The following ATP13A3 variants were observed in gnomAD, a reference collection of about 807,000 sequenced individuals.
ATP13A3 encodes polyamine-transporting ATPase 13A3.
ATP13A3 carries 59 observed loss-of-function variants against 158.1 expected under a neutral mutation model. The observed-to-expected ratio is 0.37, with a 90% CI of 0.30 to 0.46. The LOEUF is 0.46. Among genes scored for constraint, ATP13A3 ranks in the 20% least tolerant of loss-of-function variants. ATP13A3 has a pLI of 1.00. For synonymous variants in ATP13A3, 491 were observed against 504.3 expected, an observed-to-expected ratio of 0.97 and a Z score of 0.35; for missense variants, 1,166 against 1,525.2, an observed-to-expected ratio of 0.76 and a Z score of 3.92.
chr3:194,413,625 A>G (rs539154546), intron 32 of ATP13A3, 134 bp downstream of exon 32: 1 of 811,712 alleles, frequency 1.2e-6, no homozygotes, highest in South Asian at 1.6e-5. Context: ...GAGAAGGCTA[A>G]ATGAATTTGC....
At chr3:194,462,058 T>C (rs1324214493) in intron 3 of ATP13A3, 82 bp downstream of exon 3, 2 of 1,383,054 alleles carry the variant, frequency 1.4e-6, no homozygotes, top group Non-Finnish European at 2.0e-6. Flanking sequence ...CTGTTGTTAA[T>C]TGCATTTTTC....
intron 33 of ATP13A3, among the ~76,000 whole-genome samples, chr3:194,410,745 C>T (rs1715346227): frequency 6.6e-6 from 1 of 152,124 alleles, no homozygotes; most frequent in African/African-American, 2.4e-5. Context: ...CCCTTCAAAA[C>T]ATGCAATTTC....
At chr3:194,472,526 C>A (rs1192236244) in intron 2 of ATP13A3, among the ~76,000 whole-genome samples, 14 of 152,106 alleles carry the variant, frequency 9.2e-5, no homozygotes, top group Admixed American at 7.9e-4. Context: ...TGAGTTACAA[C>A]AAGACTTAAG....
intron 33 of ATP13A3, among the ~76,000 whole-genome samples, chr3:194,411,600 G>A (rs1715436270): frequency 6.6e-6 from 1 of 151,856 alleles, no homozygotes; most frequent in Non-Finnish European, 1.5e-5. Flanking sequence ...ATGACAGGCT[G>A]TTTAACAGAC....
intron 2 of ATP13A3, among the ~76,000 whole-genome samples, chr3:194,470,713 CT>C (rs1008954357): frequency 4.6e-5 from 7 of 152,304 alleles, no homozygotes; most frequent in Admixed American, 1.3e-4. Flanking sequence ...AACTTTCATA[CT>C]TTCCCCTAAA....
intron 2 of ATP13A3, among the ~76,000 whole-genome samples, chr3:194,476,766 GTT>G (rs367780103): frequency 7.8e-6 from 1 of 128,690 alleles, no homozygotes; most frequent in Non-Finnish European, 1.7e-5. Context: ...GTAAGTTGTT[GTT>G]TTTTTTTTTT....
chr3:194,472,810 T>C lies in ATP13A3; in HGVS notation c.-46-10574A>G, dbSNP rs186711611. Among the ~76,000 whole-genome samples, 16 of 152,348 alleles carry C rather than the reference T, an allele frequency of 1.1e-4. No individual in the cohort carries two copies. The South Asian group carries it at 2.5e-3, about 24-fold the overall frequency. ...GGCACACATACACTATGGAATACTA[T>C]GCAGCCATAAAAAATAATAAAATTA... On this transcript the variant is annotated intron_variant, in intron 2 of 33. Transcript: ENST00000645319.
At position 194,431,084 on chromosome 3, in the gene ATP13A3, C is replaced by T. The variant is rs1717186867; in HGVS notation, c.2544+20G>A. The T allele has an allele frequency of 6.2e-7, 1 of 1,613,384 alleles. No individual in the cohort carries two copies. On this transcript the variant is annotated intron_variant, in intron 23 of 33. Transcript: ENST00000645319. Reference sequence around the variant, plus strand: ...TGCGATGCATTCATGTGAGCACACACATACACCCAAATTACTTACCTTAGG... The same window carrying T: ...TGCGATGCATTCATGTGAGCACACATATACACCCAAATTACTTACCTTAGG...
Position 194,406,697 on chromosome 3 carries a change from C to T in ATP13A3, c.3574-581G>A, listed in dbSNP as rs192150327. Among the ~76,000 whole-genome samples the T allele has an allele frequency of 1.2e-4, 19 of 152,220 alleles. No homozygotes were observed. The East Asian group carries it at 2.9e-3, about 23-fold the overall frequency. On this transcript the variant is annotated intron_variant, in intron 33 of 33. Coordinates refer to ENST00000645319, the MANE Select transcript of ATP13A3 (RefSeq NM_001367549.1). ...GTACTATTGCTCCTGGCAACTTAGC[C>T]GCATGATCATTTTTGGAAGAAAGCT...
chr3:194,481,103 G>T (rs1462665649), intron 2 of ATP13A3, among the ~76,000 whole-genome samples: 1 of 152,046 alleles, frequency 6.6e-6, no homozygotes, highest in Non-Finnish European at 1.5e-5. Context: ...AAGGCCCCAT[G>T]AGCAGTGATT....
At chr3:194,410,583 G>A (rs1487024474) in intron 33 of ATP13A3, among the ~76,000 whole-genome samples, 2 of 151,766 alleles carry the variant, frequency 1.3e-5, no homozygotes, top group Non-Finnish European at 2.9e-5. Flanking sequence ...AAAAGAGAAG[G>A]GCAGATATTT....
rs745391944 is a variant in ATP13A3, at chr3:194,431,781, T to C, written c.2357A>G (p.Lys786Arg). Residue 786 changes from lysine to arginine, a missense_variant, in exon 22 of 34, where the codon AAA becomes AGA. Physicochemically the swap from Lys to Arg is conservative, Grantham distance 26 (BLOSUM62 2). Transcript: ENST00000645319. ...ALPPKDGKVA[K>R]INWHYADSLT... ...GGAGTCTGCATAATGCCAATTTATT[T>C]TGGCAACTTTCCCATCCTTTGGAGG... The C allele has an allele frequency of 6.2e-6, 10 of 1,613,118 alleles. No homozygotes were observed. The Admixed American group carries it at 1.0e-4, about 16-fold the overall frequency.
At chr3:194,462,456 T>C (rs1274705667) in intron 2 of ATP13A3, among the ~76,000 whole-genome samples, 19 of 152,164 alleles carry the variant, frequency 1.2e-4, no homozygotes, top group Non-Finnish European at 1.5e-5. Flanking sequence ...TAGATTCTCA[T>C]AGGAGCACAA....
intron 30 of ATP13A3, among the ~76,000 whole-genome samples, chr3:194,424,806 T>C (rs1716637163): frequency 6.6e-6 from 1 of 152,226 alleles, no homozygotes; most frequent in South Asian, 2.1e-4. Flanking sequence ...TGGCCCTTTC[T>C]GCAATAGCAT....
chr3:194,468,645 CAA>C (rs1216146335), intron 2 of ATP13A3, among the ~76,000 whole-genome samples: 1 of 152,094 alleles, frequency 6.6e-6, no homozygotes, highest in Non-Finnish European at 1.5e-5. Flanking sequence ...CTGAGTTTCT[CAA>C]GAGTTGTAAC....
At chr3:194,473,133 G>A (rs1275997517) in intron 2 of ATP13A3, among the ~76,000 whole-genome samples, 1 of 152,076 alleles carries the variant, frequency 6.6e-6, no homozygotes, top group African/African-American at 2.4e-5. Context: ...GGTATTCCCT[G>A]AATCTAAAAT....
At chr3:194,486,077 T>C (rs1292898246) in intron 1 of ATP13A3, among the ~76,000 whole-genome samples, 3 of 152,268 alleles carry the variant, frequency 2.0e-5, no homozygotes, top group South Asian at 4.1e-4. Flanking sequence ...GCCCTGGGTT[T>C]TTCTAGTCCT....
At chr3:194,453,393 G>C (rs1718959446) in intron 10 of ATP13A3, among the ~76,000 whole-genome samples, 1 of 150,294 alleles carries the variant, frequency 6.7e-6, no homozygotes, top group Non-Finnish European at 1.5e-5. Context: ...AGAAGTCTGA[G>C]ACCAGACTGG....
chr3:194,415,424 G>C (rs1364251944), intron 31 of ATP13A3, among the ~76,000 whole-genome samples: 1 of 152,110 alleles, frequency 6.6e-6, no homozygotes, highest in African/African-American at 2.4e-5. Flanking sequence ...AATGCATTTT[G>C]TTTTCTTCTT....
Sources: allele counts gnomAD v4.1 joint callset (sites outside exome capture counted in the v4.1 genomes callset), GRCh38; gene constraint gnomAD v4.1.1; transcripts MANE v1.5; gene names NCBI Gene and HGNC (gene_info 2026-07-23, HGNC 2026-07-21).